CMIP: variants seen among roughly 807,000 people sequenced by gnomAD.
CMIP encodes C-Maf-inducing protein.
In CMIP, 13 loss-of-function variants were observed where a neutral mutation model predicts 97.3. The observed-to-expected ratio is 0.13, with a 90% CI of 0.09 to 0.21. CMIP has a LOEUF of 0.21. Among genes scored for constraint, CMIP ranks in the 10% least tolerant of loss-of-function variants. CMIP has a pLI of 1.00. For missense variants in CMIP, 847 were observed against 1,024.9 expected (o/e 0.83, Z 2.37); for synonymous variants, 538 against 436.3 (o/e 1.23, Z -2.91).
intron 2 of CMIP, among the ~76,000 whole-genome samples, chr16:81,613,170 GCT>G (rs2091859563): frequency 6.6e-6 from 1 of 152,178 alleles, no homozygotes; most frequent in Non-Finnish European, 1.5e-5. Context: ...GCCTCCACCT[GCT>G]CTCCTAGAGG....
At chr16:81,466,656 T>C (rs1288396668) in intron 1 of CMIP, among the ~76,000 whole-genome samples, 1 of 152,192 alleles carries the variant, frequency 6.6e-6, no homozygotes. Flanking sequence ...CTACATGCTT[T>C]TGAAATTACA....
intron 1 of CMIP, among the ~76,000 whole-genome samples, chr16:81,509,369 G>A (rs1216580293): frequency 2.0e-5 from 3 of 152,218 alleles, no homozygotes; most frequent in African/African-American, 7.2e-5. Context: ...CTGGGGGCTT[G>A]CTTCCTGTCA....
At chr16:81,534,315 CTGTT>C (rs1454343413) in intron 1 of CMIP, among the ~76,000 whole-genome samples, 17 of 152,144 alleles carry the variant, frequency 1.1e-4, no homozygotes, top group Non-Finnish European at 1.9e-4. Context: ...GGTTTGTTGA[CTGTT>C]TGCATTTGCT....
intron 1 of CMIP, among the ~76,000 whole-genome samples, chr16:81,452,880 G>GTTTTTTTTTTTTTTTTTTTTTTTTT (rs1220926915): frequency 7.8e-5 from 5 of 63,730 alleles, no homozygotes; most frequent in African/African-American, 3.5e-4. Context: ...TTTTTTTTTT[G>GTTTTTTTTTTTTTTTTTTTTTTTTT]TTTTGTTTTT....
At chr16:81,534,065 C>G (rs1027482404) in intron 1 of CMIP, 1 of 152,248 alleles carries the variant, frequency 6.6e-6, no homozygotes, top group South Asian at 2.1e-4. Flanking sequence ...CCACGGCTGC[C>G]TGTGGGTCAG....
At position 81,710,035 on chromosome 16, in the gene CMIP, C is replaced by A; in HGVS notation, c.*236C>A. On this transcript the variant is annotated 3_prime_UTR_variant, in exon 21 of 21. Coordinates refer to ENST00000537098, the MANE Select transcript of CMIP (RefSeq NM_198390.3). ...AACCTTTGACCTGATCTAAAGTGGA[C>A]TTTGTAGCAACAAGAGGAGCATCAG... 1 of 199,602 alleles carries A rather than the reference C, an allele frequency of 5.0e-6. No homozygotes were observed. Among genetic ancestry groups the A allele is most frequent in the South Asian group, 4.3e-5 (1 of 23,500 alleles). The allele number at this position is 199,602 out of a possible 1,614,324, so 12.4% of individuals were successfully genotyped here.
At chr16:81,681,480 G>A (rs888669281) in intron 10 of CMIP, among the ~76,000 whole-genome samples, 39 of 152,304 alleles carry the variant, frequency 2.6e-4, no homozygotes, top group African/African-American at 7.7e-4. Flanking sequence ...GGGAGGTGGC[G>A]CAAGTATGGC....
intron 5 of CMIP, among the ~76,000 whole-genome samples, chr16:81,658,458 C>A (rs989438117): frequency 2.6e-5 from 4 of 152,152 alleles, no homozygotes; most frequent in Non-Finnish European, 4.4e-5. Context: ...CAAAAGTGAT[C>A]ACCGCAAAAA....
At chr16:81,515,451 C>T (rs984025770) in intron 1 of CMIP, among the ~76,000 whole-genome samples, 6 of 152,044 alleles carry the variant, frequency 3.9e-5, no homozygotes, top group East Asian at 1.9e-4. Context: ...GCTGGGTGGG[C>T]GGGCACCACT....
intron 16 of CMIP, among the ~76,000 whole-genome samples, chr16:81,702,342 A>G (rs1213342619): frequency 1.3e-5 from 2 of 152,060 alleles, no homozygotes; most frequent in Admixed American, 1.3e-4. Flanking sequence ...TGGTGCCAGT[A>G]CCCACCCAGT....
intron 1 of CMIP, among the ~76,000 whole-genome samples, chr16:81,604,503 G>C (rs2091709894): frequency 6.6e-6 from 1 of 151,240 alleles, no homozygotes; most frequent in African/African-American, 2.4e-5. Flanking sequence ...TTCAAGACCA[G>C]CCTGGCCAAG....
chr16:81,663,591 G>T (rs1222904367), intron 6 of CMIP, among the ~76,000 whole-genome samples: 2 of 152,166 alleles, frequency 1.3e-5, no homozygotes, highest in Non-Finnish European at 2.9e-5. Context: ...CACCCAGAGC[G>T]CACAGCACCA....
chr16:81,474,483 G>A (rs1160807034), intron 1 of CMIP, among the ~76,000 whole-genome samples: 2 of 152,144 alleles, frequency 1.3e-5, no homozygotes, highest in Non-Finnish European at 2.9e-5. Flanking sequence ...TTCATGTGAG[G>A]GGTTCATGGT....
chr16:81,560,461 G>A (rs948910468), intron 1 of CMIP, among the ~76,000 whole-genome samples: 3 of 152,132 alleles, frequency 2.0e-5, no homozygotes, highest in Non-Finnish European at 4.4e-5. Context: ...CTCGTGATCC[G>A]CCCGCCTCGG....
intron 1 of CMIP, among the ~76,000 whole-genome samples, chr16:81,586,806 T>C (rs190636310): frequency 1.8e-4 from 28 of 152,250 alleles, no homozygotes; most frequent in Admixed American, 1.8e-3. Context: ...GTGGAGTCCT[T>C]AAGGAAGGGG....
In CMIP at chr16:81,696,626, G is replaced by A; in HGVS notation, c.1597G>A (p.Gly533Arg). Reference protein sequence around the residue: ...DGWFQLYSPGGVACDDDGELF... With the variant: ...DGWFQLYSPGRVACDDDGELF... ...CTGGTTCCAGCTCTACAGCCCCGGA[G>A]GGGTGGCCTGCGACGATGACGGGGA... The change falls in exon 14 of 21, where the codon GGG (glycine) becomes AGG (arginine). Residue 533 changes from glycine to arginine, a missense_variant. Gly to Arg is a moderately radical substitution (Grantham distance 125). Transcript: ENST00000537098. 6.2e-7 allele frequency: 1 copy of A among 1,607,316 alleles called. No individual in the cohort carries two copies. The highest frequency in any genetic ancestry group is 1.7e-5 in the Admixed American group (1 of 60,018).
At chr16:81,688,319 T>C (rs1003062130) in intron 10 of CMIP, among the ~76,000 whole-genome samples, 1 of 152,248 alleles carries the variant, frequency 6.6e-6, no homozygotes, top group Admixed American at 6.5e-5. Flanking sequence ...TTCCCGCAGC[T>C]GCTCTCACTG....
rs143114977 is a variant in CMIP, at chr16:81,540,581, G to A, written c.301-66986G>A. ...GCCTCCCAAAGTGTTGGGATTACAG[G>A]CGTGAGCCACTGCACCTGGCCTGGC... On this transcript the variant is annotated intron_variant, in intron 1 of 20. Transcript: ENST00000537098. Among the ~76,000 whole-genome samples, 1,340 of 152,178 alleles carry A rather than the reference G, an allele frequency of 8.8e-3. 14 individuals are homozygous for A. Among genetic ancestry groups the A allele is most frequent in the African/African-American group, 0.031 (1,275 of 41,496 alleles).
At chr16:81,479,544 C>T (rs1265253015) in intron 1 of CMIP, among the ~76,000 whole-genome samples, 2 of 152,132 alleles carry the variant, frequency 1.3e-5, no homozygotes, top group African/African-American at 4.8e-5. Context: ...ATTCTCTCTT[C>T]ATTTTCTATG....
Sources: allele counts gnomAD v4.1 joint callset (sites outside exome capture counted in the v4.1 genomes callset), GRCh38; gene constraint gnomAD v4.1.1; transcripts MANE v1.5; gene names NCBI Gene and HGNC (gene_info 2026-07-23, HGNC 2026-07-21).